SAMD4A: variants seen among roughly 807,000 people sequenced by gnomAD.
SAMD4A encodes protein Smaug homolog 1.
A neutral mutation model predicts 81.3 loss-of-function variants in SAMD4A; 33 were observed. That is an observed-to-expected ratio of 0.41 (90% CI 0.31 to 0.54). The LOEUF is 0.54. SAMD4A is among the 20% of genes least tolerant of loss of function. The pLI, the probability that SAMD4A is intolerant of heterozygous loss-of-function variation, is 0.37. For missense variants in SAMD4A, 854 were observed against 951.1 expected, an observed-to-expected ratio of 0.90 and a Z score of 1.34; for synonymous variants, 389 against 382.1, an observed-to-expected ratio of 1.02 and a Z score of -0.21.
intron 6 of SAMD4A, among the ~76,000 whole-genome samples, chr14:54,759,921 T>C (rs1030671283): frequency 2.0e-5 from 3 of 152,122 alleles, no homozygotes; most frequent in Admixed American, 6.5e-5. Context: ...CATCTCTAGA[T>C]AGTGGGATTT....
chr14:54,597,040 A>G (rs960375171), intron 2 of SAMD4A, among the ~76,000 whole-genome samples: 2 of 152,168 alleles, frequency 1.3e-5, no homozygotes, highest in African/African-American at 4.8e-5. Context: ...ATTGAAAAAG[A>G]AAACAAACAA....
intron 2 of SAMD4A, among the ~76,000 whole-genome samples, chr14:54,629,446 C>G (rs2140332310): frequency 6.6e-6 from 1 of 152,244 alleles, no homozygotes. Context: ...TCAGTAAGCC[C>G]CAGTATGGCA....
chr14:54,761,360 G>A (rs1002411264), intron 7 of SAMD4A, among the ~76,000 whole-genome samples: 1 of 152,138 alleles, frequency 6.6e-6, no homozygotes, highest in African/African-American at 2.4e-5. Flanking sequence ...ATAGAACAAG[G>A]TTAAGTTTCA....
chr14:54,763,937 GA>G (rs2038470696), intron 7 of SAMD4A, among the ~76,000 whole-genome samples: 1 of 145,318 alleles, frequency 6.9e-6, no homozygotes, highest in Non-Finnish European at 1.5e-5. Flanking sequence ...ACCCTCTGAG[GA>G]GTGAGTAGCA....
chr14:54,584,844 G>C (rs1387881891), intron 2 of SAMD4A, among the ~76,000 whole-genome samples: 1 of 152,124 alleles, frequency 6.6e-6, no homozygotes, highest in East Asian at 1.9e-4. Context: ...ACTTTCTCTT[G>C]TGCCTGAAAA....
intron 11 of SAMD4A, chr14:54,784,214 G>T (rs2039075617): frequency 2.8e-6 from 2 of 704,712 alleles, no homozygotes; most frequent in Non-Finnish European, 2.5e-6. Context: ...CCTGGATCAT[G>T]CGGGGCCTTA....
intron 2 of SAMD4A, among the ~76,000 whole-genome samples, chr14:54,607,981 A>C (rs1012230235): frequency 7.0e-6 from 1 of 142,772 alleles, no homozygotes; most frequent in Admixed American, 7.6e-5. Flanking sequence ...ACACCAGTAC[A>C]CTCCAGCTTG....
chr14:54,752,725 C>T (rs1023223495), intron 6 of SAMD4A, among the ~76,000 whole-genome samples: 5 of 152,088 alleles, frequency 3.3e-5, no homozygotes, highest in South Asian at 2.1e-4. Context: ...CCCAGGGGAC[C>T]GGCACTCAGC....
In SAMD4A at chr14:54,788,972, G is replaced by T; in HGVS notation, c.*28G>T. On this transcript the variant is annotated 3_prime_UTR_variant, in exon 13 of 13. Transcript: ENST00000554335. ...GCTGAAGACGAGAGTGACCGCGCTGGCCGTGAAATCGACTGCTGCGGGTCC... is the reference window on the plus strand; with the variant it reads ...GCTGAAGACGAGAGTGACCGCGCTGTCCGTGAAATCGACTGCTGCGGGTCC... 1 of 1,613,614 alleles carries T rather than the reference G, an allele frequency of 6.2e-7. No individual in the cohort carries two copies. The highest frequency in any genetic ancestry group is 1.1e-5 in the South Asian group (1 of 91,072).
chr14:54,746,703 G>A (rs1399424285), intron 4 of SAMD4A, among the ~76,000 whole-genome samples: 2 of 152,192 alleles, frequency 1.3e-5, no homozygotes, highest in African/African-American at 2.4e-5. Flanking sequence ...TGGTTCAGCT[G>A]TAGGGCACCC....
At chr14:54,582,030 A>G (rs1464615238) in intron 2 of SAMD4A, among the ~76,000 whole-genome samples, 1 of 152,208 alleles carries the variant, frequency 6.6e-6, no homozygotes, top group East Asian at 1.9e-4. Flanking sequence ...TGGCAGAATG[A>G]GCTGTGTTAG....
chr14:54,772,574 C>T (rs2038734320), intron 9 of SAMD4A, among the ~76,000 whole-genome samples: 1 of 152,218 alleles, frequency 6.6e-6, no homozygotes, highest in Non-Finnish European at 1.5e-5. Flanking sequence ...ACAGAGTCCT[C>T]TTCCCACATT....
At chr14:54,612,266 T>C (rs538065692) in intron 2 of SAMD4A, among the ~76,000 whole-genome samples, 2 of 152,340 alleles carry the variant, frequency 1.3e-5, no homozygotes, top group East Asian at 3.9e-4. Flanking sequence ...CTTTTTTGCT[T>C]TCCTTCAGTC....
At chr14:54,733,318 C>T (rs772713359) in intron 3 of SAMD4A, among the ~76,000 whole-genome samples, 1 of 152,034 alleles carries the variant, frequency 6.6e-6, no homozygotes, top group Non-Finnish European at 1.5e-5. Context: ...TATATGCATG[C>T]GTGCATACTG....
intron 2 of SAMD4A, among the ~76,000 whole-genome samples, chr14:54,574,741 C>G (rs188944780): frequency 1.3e-5 from 2 of 152,338 alleles, no homozygotes; most frequent in Admixed American, 1.3e-4. Context: ...GATGCTTTGA[C>G]TCTAACTAGC....
chr14:54,707,412 A>G (rs986896986), intron 3 of SAMD4A, among the ~76,000 whole-genome samples: 2 of 152,038 alleles, frequency 1.3e-5, no homozygotes, highest in East Asian at 1.9e-4. Flanking sequence ...CCTGACATAC[A>G]TTATTGATTT....
intron 3 of SAMD4A, among the ~76,000 whole-genome samples, chr14:54,713,290 A>G (rs955900086): frequency 1.3e-5 from 2 of 152,108 alleles, no homozygotes; most frequent in Non-Finnish European, 2.9e-5. Context: ...AATCTAGGGT[A>G]TATTTTCTAA....
Position 54,582,263 on chromosome 14 carries a change from A to AT in SAMD4A, c.196+14157dup, listed in dbSNP as rs1375057177. On this transcript the variant is annotated intron_variant, in intron 2 of 12. Coordinates refer to ENST00000554335, the MANE Select transcript of SAMD4A (RefSeq NM_015589.6). ...CTGCTGCTGTTTTTTTTTTAATTTT[A>AT]TTTTTTATTTTTAAAGACTTTCCTA... 2.6e-5 allele frequency among the ~76,000 whole-genome samples: 4 copies of AT among 151,488 alleles called. No homozygotes were observed. In the East Asian group the frequency reaches 7.7e-4, roughly 29 times the overall value.
At chr14:54,617,095 C>T (rs965864006) in intron 2 of SAMD4A, among the ~76,000 whole-genome samples, 7 of 151,896 alleles carry the variant, frequency 4.6e-5, no homozygotes, top group Non-Finnish European at 1.0e-4. Flanking sequence ...TTTTTAAAGG[C>T]TTCAAAATTA....
Sources: allele counts gnomAD v4.1 joint callset (sites outside exome capture counted in the v4.1 genomes callset), GRCh38; gene constraint gnomAD v4.1.1; transcripts MANE v1.5; gene names NCBI Gene and HGNC (gene_info 2026-07-23, HGNC 2026-07-21).